Variants in CPA4 observed in about 807,000 individuals in gnomAD.
CPA4 encodes the protein carboxypeptidase A4, also known as carboxypeptidase A3.
A neutral mutation model predicts 54.7 loss-of-function variants in CPA4; 49 were observed. The ratio of observed to expected loss-of-function variants is 0.90; its 90% CI spans 0.71 to 1.14. The LOEUF is 1.14. Among genes scored for constraint, CPA4 ranks in the 50% most tolerant of loss-of-function variants. The pLI is 0.00. For missense variants in CPA4, 487 were observed against 525.1 expected, an observed-to-expected ratio of 0.93 and a Z score of 0.71; for synonymous variants, 215 against 206.8, an observed-to-expected ratio of 1.04 and a Z score of -0.34.
At chr7:130,308,119 G>C (rs1793853135) in intron 7 of CPA4, 188 bp from the exon 8 acceptor site, 1 of 604,452 alleles carries the variant, frequency 1.7e-6, no homozygotes, top group African/African-American at 1.9e-5. Flanking sequence ...TTCTCTTAGA[G>C]CCGGAAGGGG....
intron 2 of CPA4, 129 bp from the exon 3 acceptor site, chr7:130,299,141 C>T: frequency 2.0e-6 from 2 of 988,474 alleles, no homozygotes; most frequent in Middle Eastern, 2.1e-4. Context: ...AATGGGCAAA[C>T]TTTGCCCTTG....
At chr7:130,318,142 C>T (rs150618025) in intron 10 of CPA4, among the ~76,000 whole-genome samples, 19 of 152,276 alleles carry the variant, frequency 1.2e-4, no homozygotes, top group African/African-American at 2.6e-4. Context: ...TTAATTAGAA[C>T]GGAGTGAGGG....
chr7:130,305,893 G>A lies in CPA4; in HGVS notation c.564G>A (p.Gln188=), dbSNP rs760976885. 3 of 1,614,056 alleles carry A rather than the reference G, an allele frequency of 1.9e-6. No individual in the cohort carries two copies. In the East Asian group the frequency reaches 6.7e-5, roughly 36 times the overall value. Residue 188 remains glutamine, a synonymous_variant, in exon 6 of 11, where the codon CAG becomes CAA. Coordinates refer to ENST00000222482, the MANE Select transcript of CPA4 (RefSeq NM_016352.4). ...AGIHSREWIS[Q]ATAIWTARKI... is the part of the protein sequence containing the mutation. The stretch of plus-strand genomic sequence containing the variant: ...TCCATTCCCGAGAGTGGATCTCCCA[G>A]GCCACTGCAATCTGGACGGCAAGGA...
intron 7 of CPA4, 94 bp downstream of exon 7, chr7:130,306,991 C>T (rs533688357): frequency 4.0e-6 from 3 of 748,218 alleles, no homozygotes; most frequent in East Asian, 2.6e-5. Flanking sequence ...CACAAATGTG[C>T]ACCTTATGAG....
chr7:130,311,658 G>A (rs1793916746), intron 9 of CPA4, among the ~76,000 whole-genome samples: 1 of 152,092 alleles, frequency 6.6e-6, no homozygotes, highest in Non-Finnish European at 1.5e-5. Context: ...CCTCCCTCAT[G>A]TGTGCATGAC....
At chr7:130,296,182 A>G (rs923955619) in intron 1 of CPA4, among the ~76,000 whole-genome samples, 6 of 152,188 alleles carry the variant, frequency 3.9e-5, no homozygotes, top group Non-Finnish European at 8.8e-5. Context: ...GCGTGTACAA[A>G]AGCATACAAA....
At position 130,300,861 on chromosome 7, in the gene CPA4, C is replaced by A; in HGVS notation, c.331C>A (p.Gln111Lys). The A allele has an allele frequency of 6.2e-7, 1 of 1,613,906 alleles. No homozygotes were observed. ...TGATGAAATGCAACACAATGAAGGG[C>A]AAGAACGGAGCAGTAATAACTTCAA... ...EDDEMQHNEG[Q>K]ERSSNNFNYG... is the part of the protein sequence containing the mutation. Residue 111 changes from glutamine to lysine, a missense_variant, in exon 4 of 11, where the codon CAA (glutamine) becomes AAA (lysine). Coordinates refer to ENST00000222482, the MANE Select transcript of CPA4 (RefSeq NM_016352.4).
intron 10 of CPA4, among the ~76,000 whole-genome samples, chr7:130,319,279 T>C (rs185399847): frequency 6.6e-5 from 10 of 152,256 alleles, no homozygotes; most frequent in African/African-American, 2.4e-4. Context: ...CAGTTTCATG[T>C]ACTTTTTGTA....
chr7:130,322,419 C>A (rs1173336986), intron 10 of CPA4, 70 bp from the exon 11 acceptor site: 14 of 1,326,554 alleles, frequency 1.1e-5, no homozygotes, highest in Non-Finnish European at 1.5e-5. Flanking sequence ...GCAGGCAGAG[C>A]TCTTGGCCCC....
At chr7:130,316,895 G>T (rs1793995607) in intron 10 of CPA4, among the ~76,000 whole-genome samples, 1 of 133,254 alleles carries the variant, frequency 7.5e-6, no homozygotes, top group Non-Finnish European at 1.6e-5. Flanking sequence ...GGCTACAAGA[G>T]CGAAACTCTG....
chr7:130,312,656 G>A (rs1793932886), intron 10 of CPA4, among the ~76,000 whole-genome samples: 1 of 152,144 alleles, frequency 6.6e-6, no homozygotes, highest in African/African-American at 2.4e-5. Context: ...CTTCTTGTAA[G>A]AGTTAAAGAA....
Position 130,307,697 on chromosome 7 carries a change from C to T in CPA4, c.703-610C>T, listed in dbSNP as rs375898845. 7.2e-5 allele frequency among the ~76,000 whole-genome samples: 11 copies of T among 151,784 alleles called. No individual in the cohort carries two copies. In the South Asian group the frequency reaches 2.3e-3, roughly 32 times the overall value. ...TCAAGTGAGGACCCAGCAAGGTCTGCGCATGCACCTGGTGCTGTGTCTCTG... is the reference window on the plus strand; with the variant it reads ...TCAAGTGAGGACCCAGCAAGGTCTGTGCATGCACCTGGTGCTGTGTCTCTG... On this transcript the variant is annotated intron_variant, in intron 7 of 10. Coordinates refer to ENST00000222482, the MANE Select transcript of CPA4 (RefSeq NM_016352.4).
chr7:130,294,949 C>T (rs551309756), intron 1 of CPA4, among the ~76,000 whole-genome samples: 7 of 152,286 alleles, frequency 4.6e-5, no homozygotes, highest in African/African-American at 1.7e-4. Context: ...CCACCCACCA[C>T]CCATTCCCCT....
Position 130,293,196 on chromosome 7 carries a change from T to C in CPA4, c.16T>C (p.Phe6Leu). 6.2e-7 allele frequency: 1 copy of C among 1,611,920 alleles called. No individual in the cohort carries two copies. The highest frequency in any genetic ancestry group is 8.5e-7 in the Non-Finnish European group (1 of 1,178,022). The change falls in exon 1 of 11, where the codon TTC becomes CTC. Residue 6 changes from phenylalanine to leucine, a missense_variant. Phe to Leu is a conservative substitution (Grantham distance 22). Coordinates refer to ENST00000222482, the MANE Select transcript of CPA4 (RefSeq NM_016352.4). ...CCCCGGGGACATGAGGTGGATACTG[T>C]TCATTGGGGCCCTTATTGGGTCCAG... MRWIL[F>L]IGALIGSSIC...
chr7:130,297,884 G>T (rs1278013455), intron 1 of CPA4, among the ~76,000 whole-genome samples: 2 of 152,318 alleles, frequency 1.3e-5, no homozygotes, highest in African/African-American at 4.8e-5. Context: ...TTCAGGCCCT[G>T]CTTTCTCCCA....
rs181769961 is a variant in CPA4, at chr7:130,308,683, G to A, written c.793+286G>A. Among the ~76,000 whole-genome samples the A allele has an allele frequency of 3.3e-5, 5 of 151,536 alleles. No homozygotes were observed. The East Asian group carries it at 9.7e-4, about 29-fold the overall frequency. ...AGTGATTCTCCTGCCTTAGCCTCCT[G>A]AGTAGCTGGGACTGCAGGTGCACGC... On this transcript the variant is annotated intron_variant, in intron 8 of 10. Transcript: ENST00000222482.
chr7:130,310,773 G>A lies in CPA4; in HGVS notation c.794-14G>A. The stretch of plus-strand genomic sequence containing the variant: ...ACTATGAGTTAATGTTTGTTCTTGG[G>A]CTATCCCCAACAGGAAAGGGAGCCA... On this transcript the variant is annotated splice_polypyrimidine_tract_variant and intron_variant, in intron 8 of 10. Transcript: ENST00000222482. This position sits in a 1 kb window ranked among gnomAD's most constrained non-coding sequence, Gnocchi z 4.3. 6.2e-7 allele frequency: 1 copy of A among 1,612,236 alleles called. No individual in the cohort carries two copies. Among genetic ancestry groups the A allele is most frequent in the Non-Finnish European group, 8.5e-7 (1 of 1,178,340 alleles).
At position 130,300,511 on chromosome 7, in the gene CPA4, T is replaced by G. The variant is rs894208517; in HGVS notation, c.286-305T>G. Among the ~76,000 whole-genome samples, 11 of 151,856 alleles carry G rather than the reference T, an allele frequency of 7.2e-5. No homozygotes were observed. In the East Asian group the frequency reaches 2.1e-3, roughly 29 times the overall value. ...CCACCACGCCCAGCAAATTTTTGTA[T>G]TTTTAGTAGAGACAGGGTCTCACCA... is the stretch of plus-strand genomic sequence containing the variant. On this transcript the variant is annotated intron_variant, in intron 3 of 10. Transcript: ENST00000222482.
At chr7:130,300,963 T>A in intron 4 of CPA4, 49 bp downstream of exon 4, 5 of 1,194,840 alleles carry the variant, frequency 4.2e-6, no homozygotes, top group Non-Finnish European at 6.2e-6. Flanking sequence ...CCTCCTGAAT[T>A]TTGTAACCTC....
Sources: gnomAD v4.1 joint callset for allele counts (sites outside exome capture counted in the v4.1 genomes callset) on GRCh38, gnomAD v4.1.1 for gene constraint, Gnocchi (gnomAD v3.1) non-coding constraint, MANE v1.5 for transcripts, NCBI Gene and HGNC (gene_info 2026-07-23, HGNC 2026-07-21) for gene names.